Variants in FMN2 observed in about 807,000 individuals in gnomAD.
The protein encoded by FMN2 is formin-2.
A neutral mutation model predicts 142.3 loss-of-function variants in FMN2; 51 were observed. The ratio of observed to expected loss-of-function variants is 0.36; its 90% CI spans 0.29 to 0.45. The LOEUF is 0.45. Ranked by LOEUF, FMN2 falls within the 20% of genes least tolerant of loss-of-function variation. The probability of loss-of-function intolerance (pLI) is 1.00; values close to 1 mark genes in which losing one functional copy is unlikely to be tolerated. For synonymous variants in FMN2, 882 were observed against 869.8 expected (o/e 1.01, Z -0.25); for missense variants, 1,936 against 2,122.8 (o/e 0.91, Z 1.73).
At chr1:240,235,392 T>G (rs1307453415) in intron 6 of FMN2, among the ~76,000 whole-genome samples, 1 of 150,620 alleles carries the variant, frequency 6.6e-6, no homozygotes, top group Non-Finnish European at 1.5e-5. Context: ...GATTTTGATT[T>G]TTAAATAATT....
At chr1:240,422,154 A>C (rs1401830335) in intron 15 of FMN2, among the ~76,000 whole-genome samples, 1 of 152,166 alleles carries the variant, frequency 6.6e-6, no homozygotes, top group Non-Finnish European at 1.5e-5. Flanking sequence ...TGATTACTAT[A>C]GCTTTATAGT....
chr1:240,119,015 A>G (rs1182897843), intron 1 of FMN2, among the ~76,000 whole-genome samples: 1 of 152,134 alleles, frequency 6.6e-6, no homozygotes, highest in African/African-American at 2.4e-5. Context: ...TTTGCCTCAG[A>G]TGTGAAGGAT....
intron 14 of FMN2, among the ~76,000 whole-genome samples, chr1:240,357,167 A>G (rs943439238): frequency 2.6e-5 from 4 of 152,190 alleles, no homozygotes; most frequent in Admixed American, 1.3e-4. Context: ...AATATAGGTA[A>G]AAGCATAGAA....
rs956007169 is a variant in FMN2 at position 240,162,145 on chromosome 1, C to A, written c.1783-15776C>A. On this transcript the variant is annotated intron_variant, in intron 2 of 17. Transcript: ENST00000319653. ...AGACCTTGTTTCAAAAAAAAAAAAA[C>A]AAAAAATTGTCAAAAGAAATTATGA... Among the ~76,000 whole-genome samples the A allele has an allele frequency of 2.6e-3, 360 of 136,184 alleles. 1 individual carries two copies. Among genetic ancestry groups the A allele is most frequent in the Middle Eastern group, 0.02 (4 of 204 alleles). The allele number at this position is 136,184 out of a possible 152,430, so 89.3% of individuals were successfully genotyped here.
chr1:240,400,638 C>G (rs948526599), intron 15 of FMN2: 2 of 152,202 alleles, frequency 1.3e-5, no homozygotes, highest in Non-Finnish European at 1.5e-5. Context: ...GTCTCCTTCC[C>G]AGCTTTGAGG....
At chr1:240,345,368 G>A (rs1452091284) in intron 13 of FMN2, among the ~76,000 whole-genome samples, 1 of 152,210 alleles carries the variant, frequency 6.6e-6, no homozygotes, top group African/African-American at 2.4e-5. Context: ...GTCAGAGAAT[G>A]TGAAATATTG....
At chr1:240,406,084 GAA>G (rs1257778585) in intron 15 of FMN2, among the ~76,000 whole-genome samples, 11 of 120,426 alleles carry the variant, frequency 9.1e-5, no homozygotes, top group South Asian at 2.9e-4. Context: ...TGGGGGGAGC[GAA>G]GGGAATCAGC....
intron 14 of FMN2, among the ~76,000 whole-genome samples, chr1:240,358,423 G>A (rs572733770): frequency 6.6e-6 from 1 of 152,306 alleles, no homozygotes; most frequent in African/African-American, 2.4e-5. Context: ...TCAAGAACAT[G>A]TAGGGAAACA....
intron 14 of FMN2, among the ~76,000 whole-genome samples, chr1:240,356,391 G>A (rs9726898): frequency 0.27 from 41,653 of 151,738 alleles, 6,850 homozygotes; most frequent in African/African-American, 0.46. Flanking sequence ...AATGGGATAC[G>A]CCAATACCTC....
chr1:240,405,548 G>A (rs1340789987), intron 15 of FMN2, among the ~76,000 whole-genome samples: 4 of 151,978 alleles, frequency 2.6e-5, no homozygotes, highest in Admixed American at 6.6e-5. Flanking sequence ...AACCCGGGAG[G>A]CGGATGTTGC....
At chr1:240,416,741 G>C (rs1027957851) in intron 15 of FMN2, among the ~76,000 whole-genome samples, 1 of 146,284 alleles carries the variant, frequency 6.8e-6, no homozygotes, top group Non-Finnish European at 1.5e-5. Flanking sequence ...ATTTTGATTT[G>C]TTGATTATCT....
intron 2 of FMN2, among the ~76,000 whole-genome samples, chr1:240,147,978 A>G (rs1258058605): frequency 3.3e-5 from 5 of 152,224 alleles, no homozygotes; most frequent in Non-Finnish European, 5.9e-5. Flanking sequence ...CTACTTCGCC[A>G]TGGAAGCTGC....
At chr1:240,352,193 C>G (rs1672118016) in intron 13 of FMN2, among the ~76,000 whole-genome samples, 1 of 152,140 alleles carries the variant, frequency 6.6e-6, no homozygotes, top group Non-Finnish European at 1.5e-5. Flanking sequence ...AGAAGACAAG[C>G]TCGCTGAGGA....
intron 15 of FMN2, among the ~76,000 whole-genome samples, chr1:240,425,204 TGA>T (rs142399934): frequency 0.057 from 7,742 of 134,816 alleles, 620 homozygotes; most frequent in African/African-American, 0.19. Context: ...TTGAATGAGG[TGA>T]GAGAGAGAGA....
intron 1 of FMN2, among the ~76,000 whole-genome samples, chr1:240,104,587 C>A (rs1661534621): frequency 6.6e-6 from 1 of 152,154 alleles, no homozygotes; most frequent in Non-Finnish European, 1.5e-5. Context: ...CTGCATTTTT[C>A]TAAAGTATAT....
At chr1:240,099,790 C>T (rs529551393) in intron 1 of FMN2, among the ~76,000 whole-genome samples, 16 of 152,252 alleles carry the variant, frequency 1.1e-4, no homozygotes, top group African/African-American at 3.8e-4. Flanking sequence ...CTGTACTTTA[C>T]TGTCTAGATC....
chr1:240,327,123 T>C (rs1468596699), intron 8 of FMN2, among the ~76,000 whole-genome samples: 2 of 152,196 alleles, frequency 1.3e-5, no homozygotes, highest in Non-Finnish European at 2.9e-5. Context: ...AAAGTAAGAT[T>C]ACTGTGCAAT....
chr1:240,339,312 A>G (rs1308857974), intron 13 of FMN2, among the ~76,000 whole-genome samples: 4 of 151,048 alleles, frequency 2.6e-5, no homozygotes, highest in Non-Finnish European at 4.4e-5. Context: ...CTTTTACAGT[A>G]TATTGTTATA....
chr1:240,237,442 C>G (rs1382850421), intron 6 of FMN2, among the ~76,000 whole-genome samples: 2 of 152,178 alleles, frequency 1.3e-5, no homozygotes, highest in East Asian at 3.9e-4. Context: ...CAGTTTCCTA[C>G]CCTGTAGAAC....
Sources: allele counts gnomAD v4.1 joint callset (sites outside exome capture counted in the v4.1 genomes callset), GRCh38; gene constraint gnomAD v4.1.1; transcripts MANE v1.5; gene names NCBI Gene and HGNC (gene_info 2026-07-23, HGNC 2026-07-21).